Variants in ZNF420 observed in about 807,000 individuals in gnomAD.
The protein encoded by ZNF420 is zinc finger protein 420.
A neutral mutation model predicts 44.7 loss-of-function variants in ZNF420; 31 were observed. The ratio of observed to expected loss-of-function variants is 0.69; its 90% CI spans 0.52 to 0.94. ZNF420 has a LOEUF of 0.94. Ranked by LOEUF, ZNF420 falls within the 40% of genes least tolerant of loss-of-function variation. The pLI is 0.00. For synonymous variants in ZNF420, 245 were observed against 267.4 expected (o/e 0.92, Z 0.82); for missense variants, 681 against 827.9 (o/e 0.82, Z 2.18).
At chr19:37,056,381 C>T (rs1967754486) in intron 1 of ZNF420, among the ~76,000 whole-genome samples, 1 of 152,188 alleles carries the variant, frequency 6.6e-6, no homozygotes, top group African/African-American at 2.4e-5. Flanking sequence ...CTTTCTTCAT[C>T]TTGGCATAGC....
At chr19:37,027,134 A>T (rs560277315) in intron 1 of ZNF420, among the ~76,000 whole-genome samples, 4 of 152,340 alleles carry the variant, frequency 2.6e-5, no homozygotes, top group African/African-American at 9.6e-5. Context: ...CACCCTTAGA[A>T]TAATTCCTTT....
chr19:37,033,073 C>G (rs1388751821), intron 1 of ZNF420, among the ~76,000 whole-genome samples: 1 of 152,112 alleles, frequency 6.6e-6, no homozygotes, highest in East Asian at 1.9e-4. Context: ...ACTTTTGGCA[C>G]ATAGTTATTG....
intron 4 of ZNF420, 85 bp from the exon 5 acceptor site, chr19:37,127,043 T>C: frequency 1.7e-6 from 2 of 1,201,962 alleles, no homozygotes; most frequent in Non-Finnish European, 2.2e-6. Flanking sequence ...ATGTCTGTTA[T>C]TTCTTATGGG....
intron 1 of ZNF420, among the ~76,000 whole-genome samples, chr19:37,019,387 A>G (rs1368781008): frequency 6.6e-6 from 1 of 152,236 alleles, no homozygotes; most frequent in African/African-American, 2.4e-5. Context: ...AGCTGTTGGT[A>G]ATGATATAGA....
intron 2 of ZNF420, among the ~76,000 whole-genome samples, chr19:37,087,995 C>T (rs987588399): frequency 1.4e-4 from 22 of 152,060 alleles, no homozygotes; most frequent in African/African-American, 5.3e-4. Flanking sequence ...TAGAGATTAC[C>T]CAACTTTTTC....
chr19:37,118,413 AAATGCTG>A (rs1307988464), intron 4 of ZNF420, among the ~76,000 whole-genome samples: 1 of 152,212 alleles, frequency 6.6e-6, no homozygotes, highest in African/African-American at 2.4e-5. Flanking sequence ...ACAGACAAGC[AAATGCTG>A]AGAGATTTTG....
At chr19:37,025,793 A>C (rs1013055282) in intron 1 of ZNF420, among the ~76,000 whole-genome samples, 5 of 115,034 alleles carry the variant, frequency 4.3e-5, no homozygotes, top group African/African-American at 1.7e-4. Context: ...TTTTTTTTTT[A>C]AGAGACAAGG....
chr19:37,095,495 T>G (rs541484826), intron 4 of ZNF420, among the ~76,000 whole-genome samples: 9 of 152,350 alleles, frequency 5.9e-5, no homozygotes, highest in African/African-American at 2.2e-4. Context: ...TGTAATTATC[T>G]TTTATTTGTA....
At chr19:37,104,817 T>G (rs965781219) in intron 4 of ZNF420, among the ~76,000 whole-genome samples, 1 of 152,210 alleles carries the variant, frequency 6.6e-6, no homozygotes, top group Non-Finnish European at 1.5e-5. Flanking sequence ...TTGAGAAGTG[T>G]CTGTTCATAT....
At chr19:37,123,599 CTTTTTTTTTT>C (rs762782458) in intron 4 of ZNF420, among the ~76,000 whole-genome samples, 6 of 80,326 alleles carry the variant, frequency 7.5e-5, no homozygotes, top group African/African-American at 1.2e-4. Context: ...TTACTCTTGT[CTTTTTTTTTT>C]TTTTTTTTTT....
chr19:37,034,931 C>G (rs1047247270), intron 1 of ZNF420, among the ~76,000 whole-genome samples: 3 of 152,106 alleles, frequency 2.0e-5, no homozygotes, highest in African/African-American at 7.2e-5. Context: ...CCTACAGAGG[C>G]AAAAGGGACA....
intron 1 of ZNF420, among the ~76,000 whole-genome samples, chr19:37,045,353 T>C (rs1967525241): frequency 6.6e-6 from 1 of 152,190 alleles, no homozygotes; most frequent in Non-Finnish European, 1.5e-5. Context: ...TTATTAAAAA[T>C]GTGAATAACA....
At chr19:37,088,918 C>A in intron 2 of ZNF420, 121 bp from the exon 3 acceptor site, 1 of 593,964 alleles carries the variant, frequency 1.7e-6, no homozygotes. Flanking sequence ...GTCTGTCCCC[C>A]TTAGTGTGTG....
intron 1 of ZNF420, among the ~76,000 whole-genome samples, chr19:37,062,995 A>G (rs558990562): frequency 3.9e-5 from 6 of 152,352 alleles, no homozygotes; most frequent in African/African-American, 1.4e-4. Flanking sequence ...ACGAAATCCT[A>G]TGGAGCTTCA....
intron 1 of ZNF420, among the ~76,000 whole-genome samples, chr19:37,013,657 G>A (rs577148317): frequency 1.1e-4 from 16 of 152,244 alleles, no homozygotes; most frequent in East Asian, 5.8e-4. Flanking sequence ...CTGGTGAGGC[G>A]GGGAGGGCCT....
At chr19:37,055,393 G>T (rs917137983) in intron 1 of ZNF420, among the ~76,000 whole-genome samples, 1 of 152,140 alleles carries the variant, frequency 6.6e-6, no homozygotes, top group Non-Finnish European at 1.5e-5. Context: ...GCGACCTGAA[G>T]CTCCTCCTCC....
chr19:37,116,663 C>A (rs759816714), intron 4 of ZNF420, among the ~76,000 whole-genome samples: 4 of 152,176 alleles, frequency 2.6e-5, no homozygotes, highest in Non-Finnish European at 4.4e-5. Context: ...GGCATTACCT[C>A]ACTCAGTAAG....
At chr19:37,016,143 G>A (rs915917775) in intron 1 of ZNF420, among the ~76,000 whole-genome samples, 3 of 152,208 alleles carry the variant, frequency 2.0e-5, no homozygotes, top group African/African-American at 7.2e-5. Flanking sequence ...TCCGTCAGAT[G>A]ACTGCATGAT....
intron 1 of ZNF420, among the ~76,000 whole-genome samples, chr19:37,068,477 T>C (rs1442498005): frequency 6.6e-6 from 1 of 151,970 alleles, no homozygotes; most frequent in Non-Finnish European, 1.5e-5. Flanking sequence ...CTGTCTCTAC[T>C]AAAAATACAA....
Sources: gnomAD v4.1 joint callset for allele counts (sites outside exome capture counted in the v4.1 genomes callset) on GRCh38, gnomAD v4.1.1 for gene constraint, MANE v1.5 for transcripts, NCBI Gene and HGNC (gene_info 2026-07-23, HGNC 2026-07-21) for gene names.